Variants in SCHIP1 observed in about 807,000 individuals in gnomAD.
The protein encoded by SCHIP1 is schwannomin-interacting protein 1.
In SCHIP1, 8 loss-of-function variants were observed where a neutral mutation model predicts 29.7. The ratio of observed to expected loss-of-function variants is 0.27; its 90% confidence interval spans 0.16 to 0.49. The LOEUF is 0.49. SCHIP1 is among the 20% of genes least tolerant of loss of function. The probability of loss-of-function intolerance (pLI) is 0.99; values close to 1 mark genes in which losing one functional copy is unlikely to be tolerated. For missense variants in SCHIP1, 193 were observed against 294.6 expected (o/e 0.66, Z 2.52); for synonymous variants, 76 against 94.9 (o/e 0.80, Z 1.16).
chr3:159,542,982 T>G, the SCHIP1 span, among the ~76,000 whole-genome samples: 5 of 151,908 alleles, frequency 3.3e-5, no homozygotes, highest in Admixed American at 3.3e-4. Context: ...GGATTACTAT[T>G]CCAAGCGCCA....
At chr3:159,345,432 A>G in the SCHIP1 span, among the ~76,000 whole-genome samples, 7 of 152,150 alleles carry the variant, frequency 4.6e-5, no homozygotes, top group African/African-American at 1.7e-4. Context: ...TGACCTTTAA[A>G]CATTTAGAGC....
chr3:159,339,707 G>A, the SCHIP1 span, among the ~76,000 whole-genome samples: 1 of 152,160 alleles, frequency 6.6e-6, no homozygotes, highest in African/African-American at 2.4e-5. Flanking sequence ...GGAGTGTGAG[G>A]GCACGTTGGA....
At chr3:159,547,566 T>A in the SCHIP1 span, among the ~76,000 whole-genome samples, 14 of 152,348 alleles carry the variant, frequency 9.2e-5, no homozygotes, top group Non-Finnish European at 1.9e-4. Flanking sequence ...TTTAAGTCTT[T>A]AAGCCATTTT....
the SCHIP1 span, among the ~76,000 whole-genome samples, chr3:159,305,306 GT>G: frequency 9.3e-4 from 141 of 152,298 alleles, no homozygotes; most frequent in Non-Finnish European, 1.8e-3. Flanking sequence ...AGTCTCCCAT[GT>G]CCCTGACTAC....
chr3:159,569,891 T>G, the SCHIP1 span, among the ~76,000 whole-genome samples: 2 of 152,192 alleles, frequency 1.3e-5, no homozygotes, highest in Admixed American at 6.5e-5. Flanking sequence ...CTCAGTGTGG[T>G]TTTGATTTGC....
the SCHIP1 span, among the ~76,000 whole-genome samples, chr3:159,298,035 G>A: frequency 6.6e-6 from 1 of 152,206 alleles, no homozygotes; most frequent in Non-Finnish European, 1.5e-5. Context: ...AGCTCTATGA[G>A]GGTAGGGAGT....
the SCHIP1 span, among the ~76,000 whole-genome samples, chr3:159,720,145 G>T: frequency 8.1e-5 from 12 of 148,076 alleles, no homozygotes; most frequent in African/African-American, 2.7e-4. Context: ...ACCAAACACC[G>T]CATGTTCTCA....
At chr3:159,438,642 A>G in the SCHIP1 span, among the ~76,000 whole-genome samples, 1 of 151,588 alleles carries the variant, frequency 6.6e-6, no homozygotes, top group South Asian at 2.1e-4. Context: ...CGTTCCTTCT[A>G]CCTCCCACCC....
chr3:159,683,097 A>G, the SCHIP1 span, among the ~76,000 whole-genome samples: 2 of 152,146 alleles, frequency 1.3e-5, no homozygotes, highest in African/African-American at 2.4e-5. Context: ...TTTTTGAGAT[A>G]GAGTCTTGCT....
chr3:159,663,166 T>C, the SCHIP1 span, among the ~76,000 whole-genome samples: 1 of 152,174 alleles, frequency 6.6e-6, no homozygotes, highest in African/African-American at 2.4e-5. Context: ...CAGGAACATG[T>C]ATAGCTCAGG....
At chr3:159,454,188 C>T in the SCHIP1 span, among the ~76,000 whole-genome samples, 1 of 152,212 alleles carries the variant, frequency 6.6e-6, no homozygotes. Flanking sequence ...TGCCTGGGTA[C>T]TATCCCCCGA....
chr3:159,393,245 T>C, the SCHIP1 span, among the ~76,000 whole-genome samples: 1 of 152,242 alleles, frequency 6.6e-6, no homozygotes, highest in African/African-American at 2.4e-5. Flanking sequence ...TGAGAAAATT[T>C]TCTCCCATTT....
chr3:159,348,120 T>G, the SCHIP1 span, among the ~76,000 whole-genome samples: 1 of 152,156 alleles, frequency 6.6e-6, no homozygotes, highest in Admixed American at 6.6e-5. Context: ...CTTAACAAAT[T>G]TTAGACTCAA....
the SCHIP1 span, among the ~76,000 whole-genome samples, chr3:159,496,377 G>A: frequency 6.6e-6 from 1 of 151,980 alleles, no homozygotes; most frequent in African/African-American, 2.4e-5. Flanking sequence ...CTAACATCCA[G>A]AATCTACAAT....
At chr3:159,701,892 A>G in the SCHIP1 span, among the ~76,000 whole-genome samples, 13 of 152,162 alleles carry the variant, frequency 8.5e-5, no homozygotes, top group Admixed American at 8.5e-4. Flanking sequence ...TGTAGTGGTT[A>G]CTAGCATGTT....
At chr3:159,484,637 A>T in the SCHIP1 span, among the ~76,000 whole-genome samples, 1 of 152,186 alleles carries the variant, frequency 6.6e-6, no homozygotes, top group African/African-American at 2.4e-5. Flanking sequence ...AAGTCAAACG[A>T]GAAACTCTAT....
upstream of SCHIP1, among the ~76,000 whole-genome samples, chr3:159,837,129 A>G (rs1743738407): frequency 6.6e-6 from 1 of 151,900 alleles, no homozygotes; most frequent in Non-Finnish European, 1.5e-5. Context: ...TTTTAACAAC[A>G]CATGATAAAT....
chr3:159,703,618 G>A, the SCHIP1 span, among the ~76,000 whole-genome samples: 3,692 of 152,264 alleles, frequency 0.024, 74 homozygotes, highest in African/African-American at 0.052. Context: ...GTGCGCTGAA[G>A]CATTTCTGAG....
chr3:159,631,313 A>C, the SCHIP1 span, among the ~76,000 whole-genome samples: 1 of 152,296 alleles, frequency 6.6e-6, no homozygotes. Flanking sequence ...TAGAATTACT[A>C]TATGGACCCA....
Sources: allele counts gnomAD v4.1 joint callset (sites outside exome capture counted in the v4.1 genomes callset), GRCh38; gene constraint gnomAD v4.1.1; transcripts MANE v1.5; gene names NCBI Gene and HGNC (gene_info 2026-07-23, HGNC 2026-07-21).